CNTLN: variants seen among roughly 807,000 people sequenced by gnomAD.
The protein encoded by CNTLN is centlein.
A neutral mutation model predicts 180.0 loss-of-function variants in CNTLN; 212 were observed. The ratio of observed to expected loss-of-function variants is 1.18; its 90% confidence interval spans 1.05 to 1.32. CNTLN has a LOEUF of 1.32. Ranked by LOEUF, CNTLN falls within the 40% of genes most tolerant of loss-of-function variation. CNTLN has a pLI of 0.00. For synonymous variants in CNTLN, 722 were observed against 563.1 expected, an observed-to-expected ratio of 1.28 and a Z score of -3.99; for missense variants, 2,095 against 1,610.9, an observed-to-expected ratio of 1.30 and a Z score of -5.14.
At chr9:17,359,624 G>A (rs1370552804) in intron 12 of CNTLN, among the ~76,000 whole-genome samples, 1 of 149,358 alleles carries the variant, frequency 6.7e-6, no homozygotes, top group African/African-American at 2.5e-5. Flanking sequence ...GCTCACGCCT[G>A]TAATCCCAGC....
rs1418480542 is a variant in CNTLN at position 17,502,585 on chromosome 9, TG to T, written c.4156del (p.Glu1386LysfsTer3). The T allele has an allele frequency of 3.6e-6, 5 of 1,407,746 alleles. No individual in the cohort carries two copies. In the African/African-American group the frequency reaches 5.9e-5, roughly 17 times the overall value. The allele number at this position is 1,407,746 out of a possible 1,614,324, so 87.2% of individuals were successfully genotyped here. On this transcript the variant is annotated frameshift_variant, in exon 26 of 26. Transcript: ENST00000380647. LOFTEE classifies it high-confidence loss of function. ...GCCTCATATTTACTAGAAGCAGTAC[TG>T]GAAAAAATAAATGAAAAAAAGAAAC... ...PFASYLLEAV[L>X]EKINEKKKLV...
intron 6 of CNTLN, among the ~76,000 whole-genome samples, chr9:17,297,260 G>A (rs192395673): frequency 1.0e-3 from 155 of 152,278 alleles, no homozygotes; most frequent in African/African-American, 3.6e-3. Context: ...GTATTTGGAT[G>A]TGCATAGATT....
chr9:17,304,141 T>A (rs1441542989), intron 7 of CNTLN, among the ~76,000 whole-genome samples: 3 of 151,936 alleles, frequency 2.0e-5, no homozygotes, highest in African/African-American at 7.3e-5. Context: ...GAGACAAAGG[T>A]GAAGAAAGAA....
chr9:17,446,625 C>G (rs563157754), intron 18 of CNTLN, among the ~76,000 whole-genome samples: 155 of 152,202 alleles, frequency 1.0e-3, no homozygotes, highest in African/African-American at 3.5e-3. Flanking sequence ...AGAAATATAT[C>G]ATGGTCTATT....
In CNTLN at chr9:17,378,955, TA is replaced by T. The variant is rs547522158; in HGVS notation, c.1988-9206del. On this transcript the variant is annotated intron_variant, in intron 13 of 25. Coordinates refer to ENST00000380647, the MANE Select transcript of CNTLN (RefSeq NM_017738.4). ...ATTTCTTAGAGTGCACATCTGCTGG[TA>T]GTGAAATTCTTTCAGCTGTCATACA... Among the ~76,000 whole-genome samples, 196 of 152,332 alleles carry T rather than the reference TA, an allele frequency of 1.3e-3. 1 individual carries two copies. The highest frequency in any genetic ancestry group is 4.3e-3 in the African/African-American group (180 of 41,580).
At chr9:17,507,488 C>G (rs1192332537), downstream of CNTLN, among the ~76,000 whole-genome samples, 1 of 152,134 alleles carries the variant, frequency 6.6e-6, no homozygotes, top group African/African-American at 2.4e-5. Context: ...GAATGATTTA[C>G]TTTCCTTTGC....
intron 6 of CNTLN, among the ~76,000 whole-genome samples, chr9:17,287,458 C>G (rs1010459623): frequency 1.7e-4 from 25 of 151,002 alleles, no homozygotes; most frequent in African/African-American, 5.8e-4. Context: ...GGATATTGGT[C>G]TAAAATTCTC....
intron 2 of CNTLN, among the ~76,000 whole-genome samples, chr9:17,150,149 G>A (rs1247339497): frequency 2.0e-5 from 3 of 152,182 alleles, no homozygotes; most frequent in African/African-American, 7.2e-5. Context: ...AAGCTCTTTA[G>A]TTTAATTAGA....
intron 2 of CNTLN, among the ~76,000 whole-genome samples, chr9:17,171,293 C>G (rs1225038944): frequency 6.6e-6 from 1 of 152,132 alleles, no homozygotes; most frequent in African/African-American, 2.4e-5. Context: ...CACTTCTAGA[C>G]TTTACACATT....
At chr9:17,280,205 T>C (rs1245786414) in intron 6 of CNTLN, among the ~76,000 whole-genome samples, 2 of 152,200 alleles carry the variant, frequency 1.3e-5, no homozygotes, top group Non-Finnish European at 2.9e-5. Flanking sequence ...CAGTAAAATA[T>C]ATTCTACAGA....
At chr9:17,284,558 T>C (rs977644169) in intron 6 of CNTLN, among the ~76,000 whole-genome samples, 4 of 152,222 alleles carry the variant, frequency 2.6e-5, no homozygotes, top group African/African-American at 9.6e-5. Context: ...GAGGTATTTA[T>C]AGTATTATCT....
chr9:17,260,582 T>A (rs1826888283), intron 5 of CNTLN, among the ~76,000 whole-genome samples: 2 of 151,414 alleles, frequency 1.3e-5, no homozygotes, highest in Admixed American at 1.3e-4. Flanking sequence ...AGAACCCTGT[T>A]AGATGCATAA....
intron 2 of CNTLN, among the ~76,000 whole-genome samples, chr9:17,224,860 G>C (rs1255815386): frequency 6.6e-6 from 1 of 151,722 alleles, no homozygotes; most frequent in Non-Finnish European, 1.5e-5. Context: ...ACTTGAACTA[G>C]TATGTCAGTG....
intron 13 of CNTLN, among the ~76,000 whole-genome samples, chr9:17,369,141 G>A (rs572431892): frequency 3.4e-4 from 51 of 152,170 alleles, no homozygotes; most frequent in Non-Finnish European, 5.6e-4. Context: ...CTCCCATGCT[G>A]CTCTCATGAT....
intron 18 of CNTLN, among the ~76,000 whole-genome samples, chr9:17,454,090 ATC>A (rs1243115999): frequency 2.0e-5 from 3 of 152,216 alleles, no homozygotes; most frequent in African/African-American, 7.2e-5. Flanking sequence ...AGCATGAGTC[ATC>A]TGAGAATTGT....
chr9:17,216,380 C>T (rs1386299389), intron 2 of CNTLN, among the ~76,000 whole-genome samples: 1 of 152,024 alleles, frequency 6.6e-6, no homozygotes, highest in Non-Finnish European at 1.5e-5. Context: ...TTCCTATTTT[C>T]AGTTCTTTTC....
At chr9:17,246,676 G>C (rs1825813683) in intron 5 of CNTLN, among the ~76,000 whole-genome samples, 1 of 152,196 alleles carries the variant, frequency 6.6e-6, no homozygotes, top group Non-Finnish European at 1.5e-5. Flanking sequence ...CCATCCGGGA[G>C]TCAGGGCCTG....
chr9:17,259,014 A>T (rs1826734300), intron 5 of CNTLN, among the ~76,000 whole-genome samples: 1 of 150,160 alleles, frequency 6.7e-6, no homozygotes, highest in African/African-American at 2.5e-5. Flanking sequence ...CACTATGTTG[A>T]ATAGGAGTGG....
intron 14 of CNTLN, among the ~76,000 whole-genome samples, chr9:17,391,193 C>G (rs1202597245): frequency 6.6e-6 from 1 of 152,158 alleles, no homozygotes; most frequent in Non-Finnish European, 1.5e-5. Context: ...GCAAACCAAG[C>G]AAGGCCTGTC....
Sources: allele counts gnomAD v4.1 joint callset (sites outside exome capture counted in the v4.1 genomes callset), GRCh38; gene constraint gnomAD v4.1.1; transcripts MANE v1.5; gene names NCBI Gene and HGNC (gene_info 2026-07-23, HGNC 2026-07-21).